Variants in KCNJ2 observed in about 807,000 individuals in gnomAD.
KCNJ2 encodes inward rectifier potassium channel 2.
In KCNJ2, 12 loss-of-function variants were observed where a neutral mutation model predicts 28.4. The ratio of observed to expected loss-of-function variants is 0.42; its 90% CI spans 0.27 to 0.68. KCNJ2 has a LOEUF of 0.68. Among genes scored for constraint, KCNJ2 ranks in the 30% least tolerant of loss-of-function variants. KCNJ2 has a pLI of 0.23. For missense variants in KCNJ2, 320 were observed against 551.3 expected, an observed-to-expected ratio of 0.58 and a Z score of 4.20; for synonymous variants, 200 against 203.2, an observed-to-expected ratio of 0.98 and a Z score of 0.13.
In KCNJ2 at chr17:70,179,355, A is replaced by G. The variant is rs548485707; in HGVS notation, c.*3032A>G. ...TTGCCCATATCTGGAAGGGCACTATATTTTTGGGAGGAGCCATAGATTCCT... is the reference window on the plus strand; with the variant it reads ...TTGCCCATATCTGGAAGGGCACTATGTTTTTGGGAGGAGCCATAGATTCCT... On this transcript the variant is annotated 3_prime_UTR_variant, in exon 2 of 2. Transcript: ENST00000243457. 2.4e-5 allele frequency: 4 copies of G among 166,710 alleles called. No individual in the cohort carries two copies. Among genetic ancestry groups the G allele is most frequent in the Non-Finnish European group, 5.9e-5 (4 of 68,028 alleles). 10.3% of individuals were successfully genotyped at this position (166,710 alleles called of 1,614,324 possible). A position where few individuals can be genotyped will look rare whatever the true frequency, so the allele number is the denominator to read the frequency against.
rs1185865180 is a variant in KCNJ2, at chr17:70,178,433, G to A, written c.*2110G>A. 1.8e-5 allele frequency: 3 copies of A among 167,050 alleles called. No individual in the cohort carries two copies. Among genetic ancestry groups the A allele is most frequent in the Non-Finnish European group, 4.4e-5 (3 of 68,116 alleles). 10.3% of individuals were successfully genotyped at this position (167,050 alleles called of 1,614,324 possible). A position where few individuals can be genotyped will look rare whatever the true frequency, so the allele number is the denominator to read the frequency against. ...GATTGAGTTGTAAAGAAAACTTACAGAAGAGGCAACAATTTGGTTCTTGAC... is the reference window on the plus strand; with the variant it reads ...GATTGAGTTGTAAAGAAAACTTACAAAAGAGGCAACAATTTGGTTCTTGAC... On this transcript the variant is annotated 3_prime_UTR_variant, in exon 2 of 2. Coordinates refer to ENST00000243457, the MANE Select transcript of KCNJ2 (RefSeq NM_000891.3).
In KCNJ2 at chr17:70,169,642, T is replaced by TA. The variant is rs776968051; in HGVS notation, c.-275dup. On this transcript the variant is annotated 5_prime_UTR_variant, in exon 1 of 2. Coordinates refer to ENST00000243457, the MANE Select transcript of KCNJ2 (RefSeq NM_000891.3). ...TCGCTTTTTACAAACCACTGGATCT[T>TA]ACATGCCTCTGTACCCCCCACTTCC... 6.6e-6 allele frequency: 1 copy of TA among 152,522 alleles called. No individual in the cohort carries two copies. Among genetic ancestry groups the TA allele is most frequent in the Admixed American group, 6.5e-5 (1 of 15,286 alleles). The allele number at this position is 152,522 out of a possible 1,614,324, so 9.4% of individuals were successfully genotyped here.
chr17:70,169,539 AC>A lies in KCNJ2; in HGVS notation c.-378del, dbSNP rs2074353011. ...AAGAGCCCAGGATATTGCAGAGCGCACTGGAGCCCTGGCCAGCGCGCAGCCT... is the reference window on the plus strand; with the variant it reads ...AAGAGCCCAGGATATTGCAGAGCGCATGGAGCCCTGGCCAGCGCGCAGCCT... On this transcript the variant is annotated 5_prime_UTR_variant, in exon 1 of 2. It adds an upstream start codon to the 5' untranslated region. Transcript: ENST00000243457. 6.6e-6 allele frequency: 1 copy of A among 152,248 alleles called. No homozygotes were observed. The highest frequency in any genetic ancestry group is 2.4e-5 in the African/African-American group (1 of 41,450). 9.4% of individuals were successfully genotyped at this position (152,248 alleles called of 1,614,324 possible).
At chr17:70,171,693 T>C (rs889962057) in intron 1 of KCNJ2, among the ~76,000 whole-genome samples, 4 of 152,230 alleles carry the variant, frequency 2.6e-5, no homozygotes, top group Non-Finnish European at 5.9e-5. Context: ...ACTATTTTTT[T>C]CCATTGCTTA....
At chr17:70,172,220 A>C (rs760721820) in intron 1 of KCNJ2, among the ~76,000 whole-genome samples, 3 of 149,302 alleles carry the variant, frequency 2.0e-5, no homozygotes, top group African/African-American at 4.9e-5. Context: ...CTCCACAAAA[A>C]GTCTGCATAC....
Position 70,175,128 on chromosome 17 carries a change from T to C in KCNJ2, c.89T>C (p.Phe30Ser). 2 of 1,614,098 alleles carry C rather than the reference T, an allele frequency of 1.2e-6. No homozygotes were observed. Among genetic ancestry groups the C allele is most frequent in the Admixed American group, 1.7e-5 (1 of 60,016 alleles). The change falls in exon 2 of 2, where the codon TTT becomes TCT. Residue 30 changes from phenylalanine to serine, a missense_variant. Around this residue, in one of 3 missense-constraint regions of KCNJ2, gnomAD observed 54 missense variants for 63.0 expected, o/e 0.86. Coordinates refer to ENST00000243457, the MANE Select transcript of KCNJ2 (RefSeq NM_000891.3). The surrounding 1 kb of genome is among the most constrained non-coding windows in gnomAD (Gnocchi z 8.3). ...GCCACCATGGCAGTTGCAAATGGCT[T>C]TGGGAACGGGAAGAGTAAAGTCCAC... is the stretch of plus-strand genomic sequence containing the variant. Reference protein sequence around the residue: ...KLATMAVANGFGNGKSKVHTR... With the variant: ...KLATMAVANGSGNGKSKVHTR...
Position 70,176,657 on chromosome 17 carries a change from G to A in KCNJ2, c.*334G>A. On this transcript the variant is annotated 3_prime_UTR_variant, in exon 2 of 2. Coordinates refer to ENST00000243457, the MANE Select transcript of KCNJ2 (RefSeq NM_000891.3). ...CAGAATGCTTCTCTTTAGGGAACAAGGATGTTTTTAATGGCATAACAAAGG... is the reference window on the plus strand; with the variant it reads ...CAGAATGCTTCTCTTTAGGGAACAAAGATGTTTTTAATGGCATAACAAAGG... 1 of 353,576 alleles carries A rather than the reference G, an allele frequency of 2.8e-6. No individual in the cohort carries two copies. The highest frequency in any genetic ancestry group is 6.5e-5 in the East Asian group (1 of 15,432). The allele number at this position is 353,576 out of a possible 1,614,324, so 21.9% of individuals were successfully genotyped here. A position where few individuals can be genotyped will look rare whatever the true frequency, so the allele number is the denominator to read the frequency against.
rs544384907 is a variant in KCNJ2, at chr17:70,175,570, C to G, written c.531C>G (p.Gly177=). Residue 177 remains glycine (G), a synonymous_variant, in exon 2 of 2, where the codon GGC becomes GGG. Coordinates refer to ENST00000243457, the MANE Select transcript of KCNJ2 (RefSeq NM_000891.3). The surrounding 1 kb of genome is among the most constrained non-coding windows in gnomAD (Gnocchi z 8.3). The stretch of plus-strand genomic sequence containing the variant: ...GCATCATCGATGCTTTCATCATTGG[C>G]GCAGTCATGGCCAAGATGGCAAAGC... ...VGCIIDAFII[G]AVMAKMAKPK... The G allele has an allele frequency of 6.2e-7, 1 of 1,614,144 alleles. No individual in the cohort carries two copies. The highest frequency in any genetic ancestry group is 2.2e-5 in the East Asian group (1 of 44,872).
In KCNJ2 at chr17:70,176,465, A is replaced by G; in HGVS notation, c.*142A>G. ...GGACTGAGGCAAGCACAATGGTTTC[A>G]AAGAAAGACTGTAAGCTCCATGATT... On this transcript the variant is annotated 3_prime_UTR_variant, in exon 2 of 2. Transcript: ENST00000243457. 1.3e-6 allele frequency: 1 copy of G among 752,708 alleles called. No homozygotes were observed. Among genetic ancestry groups the G allele is most frequent in the East Asian group, 2.7e-5 (1 of 37,580 alleles). 46.6% of individuals were successfully genotyped at this position (752,708 alleles called of 1,614,324 possible).
chr17:70,178,024 A>G lies in KCNJ2; in HGVS notation c.*1701A>G, dbSNP rs1310690692. The G allele has an allele frequency of 7.7e-6, 1 of 130,106 alleles. No individual in the cohort carries two copies. Among genetic ancestry groups the G allele is most frequent in the African/African-American group, 3.6e-5 (1 of 27,452 alleles). The allele number at this position is 130,106 out of a possible 1,614,324, so 8.1% of individuals were successfully genotyped here. On this transcript the variant is annotated 3_prime_UTR_variant, in exon 2 of 2. Transcript: ENST00000243457. ...TTTCTCACTGAAGCTCAATAATGGA[A>G]CTCTTTTTTTTTTTTTTTTTAATTT...
In KCNJ2 at chr17:70,176,086, A is replaced by G; in HGVS notation, c.1047A>G (p.Glu349=). The G allele has an allele frequency of 2.5e-6, 4 of 1,614,122 alleles. No homozygotes were observed. The highest frequency in any genetic ancestry group is 3.4e-6 in the Non-Finnish European group (4 of 1,180,010). ...VDYSRFHKTY[E]VPNTPLCSAR... ...ATTCCAGGTTCCACAAAACTTACGA[A>G]GTCCCCAACACTCCCCTTTGTAGTG... The change falls in exon 2 of 2, where the codon GAA becomes GAG. Residue 349 remains glutamate (E), a synonymous_variant. Transcript: ENST00000243457.
rs140147979 is a variant in KCNJ2 at position 70,175,538 on chromosome 17, G to T, written c.499G>T (p.Val167Leu). The T allele has an allele frequency of 2.5e-6, 4 of 1,614,170 alleles. No individual in the cohort carries two copies. The highest frequency in any genetic ancestry group is 3.4e-6 in the Non-Finnish European group (4 of 1,180,030). ...TTTCATGGTGGTGTTCCAGTCAATC[G>T]TGGGCTGCATCATCGATGCTTTCAT... ...AVFMVVFQSI[V>L]GCIIDAFIIG... The change falls in exon 2 of 2, where the codon GTG becomes TTG. Residue 167 changes from valine (V) to leucine (L), a missense_variant. Around this residue, in one of 3 missense-constraint regions of KCNJ2, gnomAD observed 111 missense variants for 256.7 expected, o/e 0.43. Coordinates refer to ENST00000243457, the MANE Select transcript of KCNJ2 (RefSeq NM_000891.3). The surrounding 1 kb of genome is among the most constrained non-coding windows in gnomAD (Gnocchi z 8.3).
At position 70,177,506 on chromosome 17, in the gene KCNJ2, C is replaced by G. The variant is rs570114295; in HGVS notation, c.*1183C>G. On this transcript the variant is annotated 3_prime_UTR_variant, in exon 2 of 2. Coordinates refer to ENST00000243457, the MANE Select transcript of KCNJ2 (RefSeq NM_000891.3). ...CATGAAAGATAAATGGGTTTAAACC[C>G]TTGCTGCTGAATTTATTGCCTGGAC... is the stretch of plus-strand genomic sequence containing the variant. The G allele has an allele frequency of 6.0e-6, 1 of 167,264 alleles. No individual in the cohort carries two copies. The highest frequency in any genetic ancestry group is 6.5e-5 in the Admixed American group (1 of 15,310). 10.4% of individuals were successfully genotyped at this position (167,264 alleles called of 1,614,324 possible).
chr17:70,176,092 C>G lies in KCNJ2; in HGVS notation c.1053C>G (p.Pro351=). ...YSRFHKTYEV[P]NTPLCSARDL... ...GGTTCCACAAAACTTACGAAGTCCC[C>G]AACACTCCCCTTTGTAGTGCCAGAG... The change falls in exon 2 of 2, where the codon CCC becomes CCG. Residue 351 remains proline (P), a synonymous_variant. Transcript: ENST00000243457. 1 of 1,614,034 alleles carries G rather than the reference C, an allele frequency of 6.2e-7. No individual in the cohort carries two copies. The highest frequency in any genetic ancestry group is 8.5e-7 in the Non-Finnish European group (1 of 1,179,952).
rs79650811 is a variant in KCNJ2, at chr17:70,175,331, T to A, written c.292T>A (p.Phe98Ile). Residue 98 changes from phenylalanine (F) to isoleucine (I), a missense_variant, in exon 2 of 2, where the codon TTT becomes ATT. This residue lies in a region of KCNJ2 where 111 missense variants were observed against 256.7 expected (regional missense o/e 0.43). Coordinates refer to ENST00000243457, the MANE Select transcript of KCNJ2 (RefSeq NM_000891.3). This position sits in a 1 kb window ranked among gnomAD's most constrained non-coding sequence, Gnocchi z 8.3. ...CCTGGCTTTCGTCCTGTCATGGCTG[T>A]TTTTTGGCTGTGTGTTTTGGTTGAT... Reference protein sequence around the residue: ...FCLAFVLSWLFFGCVFWLIAL... With the variant: ...FCLAFVLSWLIFGCVFWLIAL... The A allele has an allele frequency of 1.9e-6, 3 of 1,613,830 alleles. No individual in the cohort carries two copies. The highest frequency in any genetic ancestry group is 2.2e-5 in the East Asian group (1 of 44,892).
rs544342049 is a variant in KCNJ2 at position 70,174,845 on chromosome 17, C to G, written c.-195C>G. 73 of 646,976 alleles carry G rather than the reference C, an allele frequency of 1.1e-4. No homozygotes were observed. In the East Asian group the frequency reaches 2.0e-3, roughly 18 times the overall value. The allele number at this position is 646,976 out of a possible 1,614,324, so 40.1% of individuals were successfully genotyped here. On this transcript the variant is annotated 5_prime_UTR_variant, in exon 2 of 2. Coordinates refer to ENST00000243457, the MANE Select transcript of KCNJ2 (RefSeq NM_000891.3). ...GCAGGACATGTTCTCTGGATGTCAG[C>G]TGAGTCATTAAAGTAACTCTGCATG... is the stretch of plus-strand genomic sequence containing the variant.
chr17:70,176,321 T>C lies in KCNJ2; in HGVS notation c.1282T>C (p.Ter428ArgextTer26). The part of the protein sequence containing the change: ...PRPLRRESEI[*>R] ...GCCCTTACGGCGAGAGTCGGAGATA[T>C]GACTGACTGATTCCTTCTCTGGAAT... Residue 428 changes from the stop codon to arginine (R), a stop_lost, in exon 2 of 2, where the codon TGA (stop) becomes CGA (arginine). Coordinates refer to ENST00000243457, the MANE Select transcript of KCNJ2 (RefSeq NM_000891.3). 1 of 1,613,576 alleles carries C rather than the reference T, an allele frequency of 6.2e-7. No individual in the cohort carries two copies. The highest frequency in any genetic ancestry group is 8.5e-7 in the Non-Finnish European group (1 of 1,179,578).
Position 70,175,898 on chromosome 17 carries a change from A to C in KCNJ2, c.859A>C (p.Ile287Leu), listed in dbSNP as rs758054840. 1 of 1,614,188 alleles carries C rather than the reference A, an allele frequency of 6.2e-7. No homozygotes were observed. The highest frequency in any genetic ancestry group is 2.2e-5 in the East Asian group (1 of 44,868). ...SPLYDLSKQD[I>L]DNADFEIVVI... ...TTTATATGATTTGAGTAAACAGGAC[A>C]TTGACAACGCAGACTTTGAAATCGT... Residue 287 changes from isoleucine (I) to leucine (L), a missense_variant, in exon 2 of 2, where the codon ATT becomes CTT. By Grantham distance (5) the Ile-to-Leu change is conservative (BLOSUM62 2). Coordinates refer to ENST00000243457, the MANE Select transcript of KCNJ2 (RefSeq NM_000891.3). This position sits in a 1 kb window ranked among gnomAD's most constrained non-coding sequence, Gnocchi z 8.3.
At chr17:70,171,818 T>C (rs1370142848) in intron 1 of KCNJ2, among the ~76,000 whole-genome samples, 2 of 152,240 alleles carry the variant, frequency 1.3e-5, no homozygotes, top group Non-Finnish European at 2.9e-5. Context: ...ATAAAAATGA[T>C]TATTTGTGTC....
Sources: gnomAD v4.1 joint callset for allele counts (sites outside exome capture counted in the v4.1 genomes callset) on GRCh38, gnomAD v4.1.1 for gene constraint, gnomAD v4.1.1 regional missense constraint, Gnocchi (gnomAD v3.1) non-coding constraint, MANE v1.5 for transcripts, NCBI Gene and HGNC (gene_info 2026-07-23, HGNC 2026-07-21) for gene names.